The following MYO3B variants were observed in gnomAD, a reference collection of about 807,000 sequenced individuals.
The protein encoded by MYO3B is myosin IIIB.
Under a neutral mutation model 174.6 loss-of-function variants are expected in MYO3B, and 156 were observed. That is an observed-to-expected ratio of 0.89 (90% confidence interval 0.78 to 1.02). MYO3B has a LOEUF of 1.02. MYO3B is among the 50% of genes least tolerant of loss of function. The pLI is 0.00. For synonymous variants in MYO3B, 563 were observed against 569.1 expected (o/e 0.99, Z 0.15); for missense variants, 1,632 against 1,639.4 (o/e 1.00, Z 0.08).
At chr2:170,396,968 C>T (rs1228433815) in intron 16 of MYO3B, among the ~76,000 whole-genome samples, 1 of 151,992 alleles carries the variant, frequency 6.6e-6, no homozygotes, top group Non-Finnish European at 1.5e-5. Flanking sequence ...TCTGTTTTAC[C>T]CCCTGGGATC....
chr2:170,234,095 C>T (rs973074432), intron 6 of MYO3B, among the ~76,000 whole-genome samples: 2 of 138,004 alleles, frequency 1.4e-5, no homozygotes, highest in African/African-American at 2.7e-5. Context: ...GGCGTGAACC[C>T]AGGAGGCGGA....
chr2:170,194,338 T>C (rs1489880607), intron 1 of MYO3B, among the ~76,000 whole-genome samples: 2 of 152,002 alleles, frequency 1.3e-5, no homozygotes, highest in South Asian at 2.1e-4. Context: ...ATCCTGTCTT[T>C]ACAAAAAATA....
chr2:170,336,997 G>T (rs2093951007), intron 8 of MYO3B, among the ~76,000 whole-genome samples: 1 of 151,520 alleles, frequency 6.6e-6, no homozygotes, highest in Non-Finnish European at 1.5e-5. Flanking sequence ...GGGGTGGAGG[G>T]TATCTCGTTG....
At chr2:170,392,041 T>C (rs2094415311) in intron 15 of MYO3B, among the ~76,000 whole-genome samples, 1 of 150,652 alleles carries the variant, frequency 6.6e-6, no homozygotes, top group Admixed American at 6.6e-5. Flanking sequence ...GAGAACTGCT[T>C]GAACCTGGGA....
chr2:170,411,852 G>C (rs1028614919), intron 22 of MYO3B: 5 of 152,120 alleles, frequency 3.3e-5, no homozygotes, highest in East Asian at 1.9e-4. Flanking sequence ...GCCTGTGCCT[G>C]AGAGGCACAC....
At chr2:170,346,478 TA>T (rs1229588702) in intron 8 of MYO3B, 2 of 152,188 alleles carry the variant, frequency 1.3e-5, no homozygotes, top group Non-Finnish European at 1.5e-5. Flanking sequence ...TGTCAAGTAT[TA>T]ATATGACACC....
chr2:170,363,966 A>T (rs1226111618), intron 8 of MYO3B, among the ~76,000 whole-genome samples: 8 of 152,226 alleles, frequency 5.3e-5, no homozygotes, highest in African/African-American at 1.9e-4. Context: ...AGTGTATCTA[A>T]ATCTAGTCCT....
intron 8 of MYO3B, among the ~76,000 whole-genome samples, chr2:170,349,164 C>T (rs1269493388): frequency 6.6e-6 from 1 of 152,194 alleles, no homozygotes; most frequent in African/African-American, 2.4e-5. Context: ...CTCCTCCAAA[C>T]TCCCTGCACA....
At position 170,480,041 on chromosome 2, in the gene MYO3B, G is replaced by GTATATATA. The variant is rs57069590; in HGVS notation, c.3014+13341_3014+13348dup. Among the ~76,000 whole-genome samples the GTATATATA allele has an allele frequency of 2.4e-4, 35 of 146,370 alleles. No homozygotes were observed. The South Asian group carries it at 4.5e-3, about 19-fold the overall frequency. On this transcript the variant is annotated intron_variant, in intron 25 of 34. Coordinates refer to ENST00000408978, the MANE Select transcript of MYO3B (RefSeq NM_138995.5). The stretch of plus-strand genomic sequence containing the variant: ...TAAACCTATATATATGTGTGTGTGT[G>GTATATATA]TATATATATATATATATAAAATAAC...
At chr2:170,204,923 T>C (rs2092699305) in intron 3 of MYO3B, among the ~76,000 whole-genome samples, 1 of 152,210 alleles carries the variant, frequency 6.6e-6, no homozygotes, top group Admixed American at 6.5e-5. Context: ...GATTAGACAA[T>C]TGTCAGTGTA....
chr2:170,370,624 TACACAC>T (rs55790344), intron 9 of MYO3B, among the ~76,000 whole-genome samples: 11,415 of 129,252 alleles, frequency 0.088, 563 homozygotes, highest in Admixed American at 0.1. Context: ...ACCACCCACC[TACACAC>T]ACACACACAC....
intron 7 of MYO3B, among the ~76,000 whole-genome samples, chr2:170,248,990 CCT>C (rs2093222405): frequency 6.6e-6 from 1 of 152,188 alleles, no homozygotes; most frequent in Admixed American, 6.5e-5. Context: ...TATTGTGTGG[CCT>C]CTGACTTGTT....
At chr2:170,329,999 AC>A (rs1269761065) in intron 7 of MYO3B, among the ~76,000 whole-genome samples, 29 of 152,296 alleles carry the variant, frequency 1.9e-4, no homozygotes, top group African/African-American at 6.3e-4. Context: ...TTTTTTTAAC[AC>A]ATTCCTAAGT....
At chr2:170,570,863 A>G (rs1692395602) in intron 32 of MYO3B, among the ~76,000 whole-genome samples, 1 of 151,730 alleles carries the variant, frequency 6.6e-6, no homozygotes, top group Non-Finnish European at 1.5e-5. Flanking sequence ...TATCCCAGCA[A>G]CCCTCTTTGA....
In MYO3B at chr2:170,490,648, CATTAAA is replaced by C. The variant is rs571391210; in HGVS notation, c.3015-7943_3015-7938del. Among the ~76,000 whole-genome samples the C allele has an allele frequency of 6.3e-4, 96 of 152,192 alleles. 1 individual carries two copies. The highest frequency in any genetic ancestry group is 6.8e-3 in the Middle Eastern group (2 of 294). On this transcript the variant is annotated intron_variant, in intron 25 of 34. Coordinates refer to ENST00000408978, the MANE Select transcript of MYO3B (RefSeq NM_138995.5). ...AGGAGGATAGCATTCAGCTTTTCAC[CATTAAA>C]TATGGTGTTAGCTTTAAGTTTTTCA...
At chr2:170,430,582 G>A (rs2094701109) in intron 22 of MYO3B, among the ~76,000 whole-genome samples, 1 of 151,990 alleles carries the variant, frequency 6.6e-6, no homozygotes, top group Non-Finnish European at 1.5e-5. Context: ...GTGTTATCCA[G>A]GCTGGTCTTG....
At chr2:170,496,814 G>A (rs2106065993) in intron 25 of MYO3B, among the ~76,000 whole-genome samples, 1 of 151,832 alleles carries the variant, frequency 6.6e-6, no homozygotes, top group African/African-American at 2.4e-5. Context: ...TTTTTGCAGC[G>A]ACTGGATTTG....
At chr2:170,499,924 T>A in intron 27 of MYO3B, 116 bp downstream of exon 27, 1 of 668,538 alleles carries the variant, frequency 1.5e-6, no homozygotes. Flanking sequence ...CCTTCTCCCC[T>A]CCCTCCCTCC....
intron 32 of MYO3B, among the ~76,000 whole-genome samples, chr2:170,574,351 C>T (rs887134138): frequency 3.3e-5 from 5 of 151,966 alleles, no homozygotes; most frequent in African/African-American, 9.7e-5. Context: ...TTTAGGATTT[C>T]AACACAATTT....
Sources: allele counts gnomAD v4.1 joint callset (sites outside exome capture counted in the v4.1 genomes callset), GRCh38; gene constraint gnomAD v4.1.1; transcripts MANE v1.5; gene names NCBI Gene and HGNC (gene_info 2026-07-23, HGNC 2026-07-21).